KAZN: variants seen among roughly 807,000 people sequenced by gnomAD.
The protein encoded by KAZN is kazrin.
In KAZN, 40 loss-of-function variants were observed where a neutral mutation model predicts 87.4. That is an observed-to-expected ratio of 0.46 (90% confidence interval 0.36 to 0.60). The LOEUF is 0.60. KAZN is among the 20% of genes least tolerant of loss of function. The pLI, the probability that KAZN is intolerant of heterozygous loss-of-function variation, is 0.00. For missense variants in KAZN, 898 were observed against 1,073.9 expected (o/e 0.84, Z 2.29); for synonymous variants, 466 against 458.3 (o/e 1.02, Z -0.22).
intron 2 of KAZN, among the ~76,000 whole-genome samples, chr1:14,453,165 C>T (rs1667371553): frequency 1.3e-5 from 2 of 151,994 alleles, no homozygotes; most frequent in South Asian, 4.2e-4. Flanking sequence ...CCATGTTATC[C>T]AGGATTGTCT....
At chr1:14,555,156 T>C (rs1259281145) in intron 2 of KAZN, among the ~76,000 whole-genome samples, 3 of 152,250 alleles carry the variant, frequency 2.0e-5, no homozygotes, top group South Asian at 2.1e-4. Flanking sequence ...CCCTTCCAAA[T>C]AGCAATTGAG....
intron 1 of KAZN, among the ~76,000 whole-genome samples, chr1:13,914,847 A>G (rs1402029844): frequency 1.3e-5 from 2 of 152,178 alleles, no homozygotes; most frequent in Admixed American, 1.3e-4. Flanking sequence ...GCTGCAAGGA[A>G]ATAAGTCTTG....
At position 15,056,414 on chromosome 1, in the gene KAZN, A is replaced by G. The variant is rs545970454; in HGVS notation, c.916+134A>G. 1 of 865,110 alleles carries G rather than the reference A, an allele frequency of 1.2e-6. No homozygotes were observed. Among genetic ancestry groups the G allele is most frequent in the Non-Finnish European group, 1.7e-6 (1 of 582,516 alleles). 53.6% of individuals were successfully genotyped at this position (865,110 alleles called of 1,614,324 possible). On this transcript the variant is annotated intron_variant, in intron 5 of 14. Transcript: ENST00000376030. The surrounding 1 kb of genome is among the most constrained non-coding windows in gnomAD (Gnocchi z 5.4). ...GGCGTGGGACAGAGACCTTGGGCTCATGTAACTGAAAAATCTAAGAGATGG... is the reference window on the plus strand; with the variant it reads ...GGCGTGGGACAGAGACCTTGGGCTCGTGTAACTGAAAAATCTAAGAGATGG...
chr1:13,960,520 A>G (rs1312815130), intron 1 of KAZN, among the ~76,000 whole-genome samples: 1 of 152,148 alleles, frequency 6.6e-6, no homozygotes, highest in Non-Finnish European at 1.5e-5. Context: ...TCAGAACCAC[A>G]AACTCACACC....
chr1:14,556,466 A>T (rs1416526909), intron 2 of KAZN, among the ~76,000 whole-genome samples: 1 of 152,152 alleles, frequency 6.6e-6, no homozygotes, highest in African/African-American at 2.4e-5. Flanking sequence ...ATGAAAATTA[A>T]ATTTTTAGAC....
chr1:14,855,184 T>C (rs1479335244), intron 1 of KAZN, among the ~76,000 whole-genome samples: 3 of 152,312 alleles, frequency 2.0e-5, no homozygotes, highest in Middle Eastern at 3.4e-3. Flanking sequence ...CTAAACTGAT[T>C]AGGACTTTAA....
intron 1 of KAZN, among the ~76,000 whole-genome samples, chr1:14,674,641 T>C (rs1010533494): frequency 6.6e-6 from 1 of 152,234 alleles, no homozygotes; most frequent in Non-Finnish European, 1.5e-5. Flanking sequence ...CCTTGTTCAC[T>C]CTGGGATGCT....
intron 1 of KAZN, among the ~76,000 whole-genome samples, chr1:13,917,926 A>T (rs1044158276): frequency 3.9e-5 from 6 of 152,156 alleles, no homozygotes; most frequent in African/African-American, 1.4e-4. Context: ...TTTTAAGCCC[A>T]CTATTGGGAC....
At chr1:14,444,942 A>G (rs1160409130) in intron 2 of KAZN, among the ~76,000 whole-genome samples, 1 of 152,068 alleles carries the variant, frequency 6.6e-6, no homozygotes, top group Non-Finnish European at 1.5e-5. Flanking sequence ...TGGTACTCAG[A>G]CTGTGAATTT....
intron 1 of KAZN, among the ~76,000 whole-genome samples, chr1:14,902,392 A>AT (rs1040573229): frequency 3.3e-4 from 50 of 151,802 alleles, no homozygotes; most frequent in African/African-American, 1.2e-3. Context: ...CACCCGGCTA[A>AT]TTTTTTTGTA....
chr1:14,510,769 G>T (rs958639718), intron 2 of KAZN, among the ~76,000 whole-genome samples: 2 of 152,166 alleles, frequency 1.3e-5, no homozygotes, highest in African/African-American at 2.4e-5. Context: ...GGCTTAGGGG[G>T]TGGCTGTGAG....
At chr1:14,078,895 G>A (rs1245379920) in intron 1 of KAZN, among the ~76,000 whole-genome samples, 1 of 152,142 alleles carries the variant, frequency 6.6e-6, no homozygotes, top group Non-Finnish European at 1.5e-5. Context: ...ATGTTGAACA[G>A]GCTGGTCCTG....
At chr1:15,067,444 G>A (rs756837513) in intron 8 of KAZN, 16 of 985,476 alleles carry the variant, frequency 1.6e-5, no homozygotes, top group Non-Finnish European at 1.9e-5. Context: ...CGGAGGATGT[G>A]TGAGCTGTTC....
At chr1:13,953,700 C>T (rs907328671) in intron 1 of KAZN, among the ~76,000 whole-genome samples, 15 of 151,936 alleles carry the variant, frequency 9.9e-5, no homozygotes, top group African/African-American at 2.7e-4. Flanking sequence ...TCTATTTTCA[C>T]GAGCGTGGTG....
intron 1 of KAZN, among the ~76,000 whole-genome samples, chr1:14,661,371 C>A (rs1639155579): frequency 6.6e-6 from 1 of 152,078 alleles, no homozygotes; most frequent in Non-Finnish European, 1.5e-5. Flanking sequence ...GCCAGTTGAA[C>A]ATTATTCTGG....
intron 1 of KAZN, among the ~76,000 whole-genome samples, chr1:14,601,763 C>G (rs769162806): frequency 3.3e-5 from 5 of 152,092 alleles, no homozygotes; most frequent in Non-Finnish European, 5.9e-5. Context: ...GGGCCCAGAC[C>G]CTAAGAGTGT....
At chr1:13,938,176 T>G (rs1253166987) in intron 1 of KAZN, among the ~76,000 whole-genome samples, 1 of 152,228 alleles carries the variant, frequency 6.6e-6, no homozygotes, top group Non-Finnish European at 1.5e-5. Context: ...GGAAGTTTTT[T>G]TCTGGTTTGT....
intron 1 of KAZN, among the ~76,000 whole-genome samples, chr1:14,932,321 C>G (rs780275794): frequency 6.6e-6 from 1 of 152,108 alleles, no homozygotes; most frequent in Non-Finnish European, 1.5e-5. Flanking sequence ...AGACATCCAG[C>G]TGGGTGCTTG....
chr1:14,534,410 C>T (rs780384950), intron 2 of KAZN, among the ~76,000 whole-genome samples: 4 of 152,090 alleles, frequency 2.6e-5, no homozygotes, highest in Non-Finnish European at 2.9e-5. Flanking sequence ...TTTGGGAGGC[C>T]GAGGCAGGCA....
Sources: allele counts gnomAD v4.1 joint callset (sites outside exome capture counted in the v4.1 genomes callset), GRCh38; gene constraint gnomAD v4.1.1; non-coding constraint Gnocchi (gnomAD v3.1); transcripts MANE v1.5; gene names NCBI Gene and HGNC (gene_info 2026-07-23, HGNC 2026-07-21).